The following SLC18A1 variants were observed in gnomAD, a reference collection of about 807,000 sequenced individuals.
The protein encoded by SLC18A1 is solute carrier family 18 member A1.
A neutral mutation model predicts 53.7 loss-of-function variants in SLC18A1; 69 were observed. That is an observed-to-expected ratio of 1.28 (90% CI 1.06 to 1.57). The LOEUF is 1.57. Among genes scored for constraint, SLC18A1 ranks in the 40% most tolerant of loss-of-function variants. The probability of loss-of-function intolerance (pLI) is 0.00; values close to 1 mark genes in which losing one functional copy is unlikely to be tolerated. For synonymous variants in SLC18A1, 320 were observed against 248.1 expected, an observed-to-expected ratio of 1.29 and a Z score of -2.72; for missense variants, 932 against 668.1, an observed-to-expected ratio of 1.40 and a Z score of -4.35.
chr8:20,171,312 C>T, intron 7 of SLC18A1, 93 bp downstream of exon 7: 2 of 1,339,902 alleles, frequency 1.5e-6, no homozygotes, highest in Non-Finnish European at 2.1e-6. Flanking sequence ...CATGTCCAAA[C>T]CGCCCATTCT....
chr8:20,172,966 A>C, intron 6 of SLC18A1, 70 bp downstream of exon 6: 1 of 1,108,894 alleles, frequency 9.0e-7, no homozygotes. Flanking sequence ...CTCGTCTTCT[A>C]CACCTCGGGA....
chr8:20,169,789 G>C (rs948983248), intron 8 of SLC18A1, among the ~76,000 whole-genome samples: 5 of 152,176 alleles, frequency 3.3e-5, no homozygotes, highest in African/African-American at 1.2e-4. Flanking sequence ...TGACACAGGA[G>C]AATCATTTGA....
chr8:20,172,755 G>A lies in SLC18A1; in HGVS notation c.724+281C>T, dbSNP rs553164295. ...GAGCATCTGGCAGCAGCCATGCTCT[G>A]GTGCTGTGTGCATGGGAACCGAGGC... is the stretch of plus-strand genomic sequence containing the variant. On this transcript the variant is annotated intron_variant, in intron 6 of 15. Transcript: ENST00000276373. 2.0e-5 allele frequency among the ~76,000 whole-genome samples: 3 copies of A among 152,306 alleles called. No individual in the cohort carries two copies. The South Asian group carries it at 6.2e-4, about 32-fold the overall frequency.
intron 10 of SLC18A1, among the ~76,000 whole-genome samples, chr8:20,160,741 A>G (rs1275729951): frequency 6.6e-6 from 1 of 152,162 alleles, no homozygotes; most frequent in Non-Finnish European, 1.5e-5. Context: ...ATTCTTAAAG[A>G]AAAAAGATGT....
At chr8:20,159,830 A>G (rs1271697473) in intron 10 of SLC18A1, among the ~76,000 whole-genome samples, 1 of 152,102 alleles carries the variant, frequency 6.6e-6, no homozygotes, top group East Asian at 1.9e-4. Context: ...TATTATCATC[A>G]TAACTCGTGA....
chr8:20,179,497 G>T lies in SLC18A1; in HGVS notation c.125-13C>A. 6.3e-7 allele frequency: 1 copy of T among 1,598,110 alleles called. No individual in the cohort carries two copies. Among genetic ancestry groups the T allele is most frequent in the Non-Finnish European group, 8.5e-7 (1 of 1,170,926 alleles). On this transcript the variant is annotated splice_polypyrimidine_tract_variant and intron_variant, in intron 2 of 15. Coordinates refer to ENST00000276373, the MANE Select transcript of SLC18A1 (RefSeq NM_003053.4). ...GGCACAATTGGCACTGAAAGTCAAA[G>T]AGGACAGGTGATGGGGGCTAAGGAC...
intron 4 of SLC18A1, among the ~76,000 whole-genome samples, chr8:20,178,090 T>G (rs1422084597): frequency 6.6e-6 from 1 of 150,670 alleles, no homozygotes; most frequent in Admixed American, 6.6e-5. Flanking sequence ...AAGTTTGTAT[T>G]AAACTTGCTC....
chr8:20,170,549 C>A (rs2128877071), intron 8 of SLC18A1, among the ~76,000 whole-genome samples: 1 of 152,190 alleles, frequency 6.6e-6, no homozygotes, highest in African/African-American at 2.4e-5. Flanking sequence ...TTTTCCAGAG[C>A]TGTTTTTGGC....
intron 3 of SLC18A1, 150 bp downstream of exon 3, chr8:20,178,971 T>C: frequency 1.1e-6 from 1 of 887,316 alleles, no homozygotes; most frequent in Non-Finnish European, 1.7e-6. Context: ...AACATGTTAT[T>C]CTTTGAGTAA....
In SLC18A1 at chr8:20,166,287, G is replaced by GTGTGTGTA. The variant is rs1235212014; in HGVS notation, c.859-1181_859-1180insTACACACA. Among the ~76,000 whole-genome samples the GTGTGTGTA allele has an allele frequency of 4.9e-4, 39 of 78,990 alleles. 1 individual carries two copies. The highest frequency in any genetic ancestry group is 2.4e-3 in the East Asian group (5 of 2,046). The allele number at this position is 78,990 out of a possible 152,430, so 51.8% of individuals were successfully genotyped here. A position where few individuals can be genotyped will look rare whatever the true frequency, so the allele number is the denominator to read the frequency against. ...CAAAATTGTGTGTGGGTGTGTGTGT[G>GTGTGTGTA]TCTATATATATATATATATATATAT... is the stretch of plus-strand genomic sequence containing the variant. On this transcript the variant is annotated intron_variant, in intron 8 of 15. Transcript: ENST00000276373.
At chr8:20,175,136 G>A (rs1386268484) in intron 4 of SLC18A1, among the ~76,000 whole-genome samples, 1 of 152,158 alleles carries the variant, frequency 6.6e-6, no homozygotes, top group Non-Finnish European at 1.5e-5. Context: ...ACAGGAATAT[G>A]TCATCCAAAA....
In SLC18A1 at chr8:20,164,870, C is replaced by T; in HGVS notation, c.1014G>A (p.Leu338=). 6.2e-7 allele frequency: 1 copy of T among 1,606,928 alleles called. No individual in the cohort carries two copies. Among genetic ancestry groups the T allele is most frequent in the Non-Finnish European group, 8.5e-7 (1 of 1,174,650 alleles). The change falls in exon 10 of 16, where the codon CTG becomes CTA. Residue 338 remains leucine (L), a splice_region_variant and synonymous_variant. Transcript: ENST00000276373. ...AGCGGGGGTGCTGAGGTCACTTACC[C>T]AGCTGCCACTTGGGGGAGCACATGG... The part of the protein sequence containing the change: ...MQTMCSPKWQ[L]GLAFLPASVS...
chr8:20,154,069 C>T (rs1323212682), intron 10 of SLC18A1, among the ~76,000 whole-genome samples: 4 of 152,172 alleles, frequency 2.6e-5, no homozygotes, highest in Admixed American at 2.6e-4. Context: ...AGCTGGGCCT[C>T]CTGAGGCCCT....
At chr8:20,156,468 C>T (rs2071684530) in intron 10 of SLC18A1, among the ~76,000 whole-genome samples, 1 of 152,130 alleles carries the variant, frequency 6.6e-6, no homozygotes, top group African/African-American at 2.4e-5. Context: ...TAGATGGTTC[C>T]TCCCGGGTGA....
At chr8:20,161,856 G>A (rs2071838539) in intron 10 of SLC18A1, among the ~76,000 whole-genome samples, 1 of 152,180 alleles carries the variant, frequency 6.6e-6, no homozygotes, top group Non-Finnish European at 1.5e-5. Context: ...TTTCCGGGCT[G>A]AGTCTACCCA....
At chr8:20,149,586 CTCCCTCTCTCTCT>C in intron 12 of SLC18A1, 77 bp downstream of exon 12, 2 of 985,780 alleles carry the variant, frequency 2.0e-6, no homozygotes, top group East Asian at 2.7e-5. Context: ...CTCTCTCTCT[CTCCCTCTCTCTCT>C]CTCTCTCTCT....
chr8:20,171,163 G>T lies in SLC18A1; in HGVS notation c.815-17C>A. On this transcript the variant is annotated splice_polypyrimidine_tract_variant and intron_variant, in intron 7 of 15. Coordinates refer to ENST00000276373, the MANE Select transcript of SLC18A1 (RefSeq NM_003053.4). ...GCTGGAGTGCTAAGAAACAAAGAAG[G>T]TGAGACAGTTCAGCGTGTCTACTGA... is the stretch of plus-strand genomic sequence containing the variant. The T allele has an allele frequency of 1.2e-6, 2 of 1,614,082 alleles. No individual in the cohort carries two copies. The highest frequency in any genetic ancestry group is 1.7e-6 in the Non-Finnish European group (2 of 1,179,930).
intron 12 of SLC18A1, chr8:20,148,289 T>A: frequency 1.7e-6 from 1 of 603,092 alleles, no homozygotes; most frequent in South Asian, 1.9e-5. Context: ...TATTGCTCTA[T>A]CCAGAGTTAC....
At chr8:20,159,114 TAA>T (rs2128871894) in intron 10 of SLC18A1, among the ~76,000 whole-genome samples, 1 of 152,266 alleles carries the variant, frequency 6.6e-6, no homozygotes, top group Non-Finnish European at 1.5e-5. Context: ...AGTCTGTGAC[TAA>T]GATCTACTAC....
Sources: gnomAD v4.1 joint callset for allele counts (sites outside exome capture counted in the v4.1 genomes callset) on GRCh38, gnomAD v4.1.1 for gene constraint, MANE v1.5 for transcripts, NCBI Gene and HGNC (gene_info 2026-07-23, HGNC 2026-07-21) for gene names.